The following CRIM1 variants were observed in gnomAD, a reference collection of about 807,000 sequenced individuals.
CRIM1 encodes the protein cysteine-rich motor neuron 1 protein.
In CRIM1, 32 loss-of-function variants were observed where a neutral mutation model predicts 116.4. The observed-to-expected ratio is 0.27, with a 90% CI of 0.21 to 0.37. CRIM1 has a LOEUF of 0.37. Ranked by LOEUF, CRIM1 falls within the 10% of genes least tolerant of loss-of-function variation. CRIM1 has a pLI of 1.00. For synonymous variants in CRIM1, 590 were observed against 509.2 expected (o/e 1.16, Z -2.13); for missense variants, 1,331 against 1,354.8 (o/e 0.98, Z 0.28).
chr2:36,451,333 A>G (rs904158969), intron 4 of CRIM1, among the ~76,000 whole-genome samples: 2 of 152,224 alleles, frequency 1.3e-5, no homozygotes, highest in African/African-American at 4.8e-5. Flanking sequence ...CCTCAAGGAA[A>G]GAATCAATTA....
intron 2 of CRIM1, among the ~76,000 whole-genome samples, chr2:36,437,977 C>G (rs1232646503): frequency 5.3e-5 from 8 of 151,868 alleles, no homozygotes; most frequent in Admixed American, 5.2e-4. Context: ...ACTAAAAATA[C>G]AAAAATTAGC....
intron 5 of CRIM1, among the ~76,000 whole-genome samples, chr2:36,468,874 A>C (rs573479238): frequency 6.6e-6 from 1 of 152,232 alleles, no homozygotes; most frequent in Non-Finnish European, 1.5e-5. Context: ...TGTCCAACGT[A>C]TATACACAAA....
chr2:36,458,559 G>GA (rs201377840), intron 4 of CRIM1, among the ~76,000 whole-genome samples: 65 of 151,766 alleles, frequency 4.3e-4, no homozygotes, highest in Admixed American at 1.1e-3. Context: ...CTTTAGTAGG[G>GA]AAAAAAAAGT....
intron 7 of CRIM1, among the ~76,000 whole-genome samples, chr2:36,491,445 C>G (rs1385077374): frequency 6.6e-6 from 1 of 152,180 alleles, no homozygotes; most frequent in Non-Finnish European, 1.5e-5. Context: ...GTGCAAAAGA[C>G]TGCCACAGTG....
chr2:36,374,137 C>A (rs1670139693), intron 1 of CRIM1, among the ~76,000 whole-genome samples: 1 of 152,160 alleles, frequency 6.6e-6, no homozygotes, highest in Admixed American at 6.5e-5. Context: ...GCAGATATTC[C>A]TTAGAAGTTT....
chr2:36,408,714 A>G (rs1157651599), intron 2 of CRIM1, among the ~76,000 whole-genome samples: 1 of 152,114 alleles, frequency 6.6e-6, no homozygotes, highest in South Asian at 2.1e-4. Context: ...AGTTAGTGTA[A>G]TTAGTATTCC....
intron 2 of CRIM1, among the ~76,000 whole-genome samples, chr2:36,420,008 G>A (rs1673926262): frequency 6.6e-6 from 1 of 152,110 alleles, no homozygotes; most frequent in South Asian, 2.1e-4. Context: ...CATTTTAAAT[G>A]TTTGTCGCTT....
At chr2:36,401,579 C>A (rs1451584136) in intron 2 of CRIM1, among the ~76,000 whole-genome samples, 1 of 152,172 alleles carries the variant, frequency 6.6e-6, no homozygotes, top group Non-Finnish European at 1.5e-5. Flanking sequence ...TCTGCAGCTG[C>A]CACAGGTGTG....
At chr2:36,360,446 G>A (rs1375021216) in intron 1 of CRIM1, among the ~76,000 whole-genome samples, 2 of 152,134 alleles carry the variant, frequency 1.3e-5, no homozygotes, top group Non-Finnish European at 2.9e-5. Flanking sequence ...ATCTAAAAAC[G>A]ACCTCTTTCA....
intron 15 of CRIM1, among the ~76,000 whole-genome samples, chr2:36,545,219 C>T (rs942421660): frequency 2.0e-5 from 3 of 152,122 alleles, no homozygotes; most frequent in African/African-American, 7.2e-5. Flanking sequence ...ATATTCATTG[C>T]TTGAGAGAGA....
At chr2:36,393,497 A>G (rs956713702) in intron 1 of CRIM1, among the ~76,000 whole-genome samples, 1 of 152,274 alleles carries the variant, frequency 6.6e-6, no homozygotes, top group East Asian at 1.9e-4. Flanking sequence ...ACATATATGT[A>G]TAATACATAT....
chr2:36,378,533 A>ATT (rs60204094), intron 1 of CRIM1: 117 of 337,500 alleles, frequency 3.5e-4, no homozygotes, highest in East Asian at 1.5e-3. Flanking sequence ...GCGGTAAGTC[A>ATT]TTTTTTTTTT....
chr2:36,399,418 C>A (rs553123419), intron 2 of CRIM1, among the ~76,000 whole-genome samples: 1 of 152,138 alleles, frequency 6.6e-6, no homozygotes, highest in African/African-American at 2.4e-5. Context: ...AGCAGGAAAA[C>A]AGCAAAGAAG....
chr2:36,488,894 C>G (rs1368309971), intron 7 of CRIM1, among the ~76,000 whole-genome samples: 4 of 152,170 alleles, frequency 2.6e-5, no homozygotes, highest in Non-Finnish European at 5.9e-5. Context: ...CCCTGCAAAT[C>G]ATGTAACTTT....
chr2:36,410,220 A>C (rs182704563), intron 2 of CRIM1, among the ~76,000 whole-genome samples: 3 of 151,992 alleles, frequency 2.0e-5, no homozygotes, highest in African/African-American at 7.3e-5. Flanking sequence ...CTGGTTGACA[A>C]CTTCCTAGTT....
At chr2:36,518,993 G>C (rs1354713335) in intron 12 of CRIM1, among the ~76,000 whole-genome samples, 2 of 152,112 alleles carry the variant, frequency 1.3e-5, no homozygotes. Flanking sequence ...AATATTCCAC[G>C]TTAAGTCAAT....
chr2:36,436,834 G>C (rs1434599105), intron 2 of CRIM1, among the ~76,000 whole-genome samples: 1 of 152,004 alleles, frequency 6.6e-6, no homozygotes, highest in East Asian at 1.9e-4. Flanking sequence ...AAAAAAGAAA[G>C]CTCCCCAAAA....
chr2:36,538,148 G>A (rs773007375), intron 14 of CRIM1, among the ~76,000 whole-genome samples: 1 of 151,850 alleles, frequency 6.6e-6, no homozygotes, highest in Non-Finnish European at 1.5e-5. Flanking sequence ...CTTTCCCCAC[G>A]CCCCACTCTT....
intron 2 of CRIM1, among the ~76,000 whole-genome samples, chr2:36,422,211 A>G (rs915235377): frequency 9.2e-5 from 14 of 151,412 alleles, no homozygotes; most frequent in Non-Finnish European, 1.0e-4. Flanking sequence ...ATTTGTCTCT[A>G]TTTTGCGGTT....
Sources: allele counts gnomAD v4.1 joint callset (sites outside exome capture counted in the v4.1 genomes callset), GRCh38; gene constraint gnomAD v4.1.1; transcripts MANE v1.5; gene names NCBI Gene and HGNC (gene_info 2026-07-23, HGNC 2026-07-21).